Variants in DYRK4 observed in about 807,000 individuals in gnomAD.
DYRK4 encodes dual specificity tyrosine phosphorylation regulated kinase 4.
In DYRK4, 64 loss-of-function variants were observed where a neutral mutation model predicts 68.3. That is an observed-to-expected ratio of 0.94 (90% confidence interval 0.77 to 1.15). The LOEUF is 1.15. DYRK4 is among the 50% of genes most tolerant of loss of function. The pLI is 0.00. For synonymous variants in DYRK4, 274 were observed against 289.9 expected (o/e 0.95, Z 0.56); for missense variants, 740 against 764.7 (o/e 0.97, Z 0.38).
intron 4 of DYRK4, chr12:4,590,885 A>T: frequency 2.2e-6 from 1 of 464,616 alleles, no homozygotes; most frequent in Non-Finnish European, 3.7e-6. Context: ...AGCAGTGAAA[A>T]ACTGTTCCCA....
At position 4,607,192 on chromosome 12, in the gene DYRK4, C is replaced by T. The variant is rs79792669; in HGVS notation, c.1300-135C>T. 2,310 of 934,240 alleles carry T rather than the reference C, an allele frequency of 2.5e-3. 54 individuals carry two copies. In the African/African-American group the frequency reaches 0.034, roughly 14 times the overall value. 57.9% of individuals were successfully genotyped at this position (934,240 alleles called of 1,614,324 possible). On this transcript the variant is annotated intron_variant, in intron 11 of 14. Transcript: ENST00000543431. ...CCCAGGCTCTGGGTTTGCTCTGCTA[C>T]TGACCAGATGTTATTACTTAATGCT...
In DYRK4 at chr12:4,565,879, A is replaced by G. The variant is rs535346602; in HGVS notation, c.39-2076A>G. ...CCTGACCTCAGATGATCCACCCGCC[A>G]CGGCCTCCCAAAGTGCTGGGATTAC... On this transcript the variant is annotated intron_variant, in intron 1 of 14. Coordinates refer to ENST00000543431, the MANE Select transcript of DYRK4 (RefSeq NM_001394779.1). Among the ~76,000 whole-genome samples, 229 of 151,922 alleles carry G rather than the reference A, an allele frequency of 1.5e-3. 1 individual carries two copies. Among genetic ancestry groups the G allele is most frequent in the African/African-American group, 5.3e-3 (220 of 41,440 alleles).
intron 12 of DYRK4, among the ~76,000 whole-genome samples, chr12:4,609,511 C>A (rs1042434610): frequency 1.3e-5 from 2 of 152,156 alleles, no homozygotes; most frequent in African/African-American, 4.8e-5. Context: ...CTAGTTAATA[C>A]CCCTAATTAG....
intron 1 of DYRK4, among the ~76,000 whole-genome samples, chr12:4,565,737 T>G (rs1283458736): frequency 1.3e-5 from 2 of 152,146 alleles, no homozygotes; most frequent in African/African-American, 4.8e-5. Context: ...GAGATTCTCC[T>G]GCCTCATCCT....
At position 4,601,876 on chromosome 12, in the gene DYRK4, T is replaced by TTGTGTGTGTGTGTGTG. The variant is rs58259135; in HGVS notation, c.1126+2108_1126+2123dup. Reference sequence around the variant, plus strand: ...CTTAAGTGAGACCAGTCTGTAGGGTTTGTGTGTGTGTGTGTGTGTGTGTGT... The same window carrying TTGTGTGTGTGTGTGTG: ...CTTAAGTGAGACCAGTCTGTAGGGTTTGTGTGTGTGTGTGTGTGTGTGTGTGTGTGTGTGTGTGTGT... On this transcript the variant is annotated intron_variant, in intron 10 of 14. Transcript: ENST00000543431. 2.7e-4 allele frequency: 42 copies of TTGTGTGTGTGTGTGTG among 157,646 alleles called. No individual in the cohort carries two copies. The South Asian group carries it at 2.8e-3, about 10-fold the overall frequency. The allele number at this position is 157,646 out of a possible 1,614,324, so 9.8% of individuals were successfully genotyped here.
At position 4,591,073 on chromosome 12, in the gene DYRK4, G is replaced by A; in HGVS notation, c.325-87G>A. On this transcript the variant is annotated intron_variant, in intron 4 of 14. Transcript: ENST00000543431. This position sits in a 1 kb window ranked among gnomAD's most constrained non-coding sequence, Gnocchi z 4.1. ...GAGGTAGGTAAAGAGCCTGGCTGAA[G>A]GTGGGTGTCTTTGGTTAAATAAATG... 6.7e-7 allele frequency: 1 copy of A among 1,495,320 alleles called. No individual in the cohort carries two copies. Among genetic ancestry groups the A allele is most frequent in the Non-Finnish European group, 9.0e-7 (1 of 1,107,774 alleles). The allele number at this position is 1,495,320 out of a possible 1,614,324, so 92.6% of individuals were successfully genotyped here.
rs972832932 is a variant in DYRK4 at position 4,565,225 on chromosome 12, G to A, written c.39-2730G>A. Among the ~76,000 whole-genome samples the A allele has an allele frequency of 2.6e-5, 4 of 152,344 alleles. No homozygotes were observed. In the South Asian group the frequency reaches 6.2e-4, roughly 24 times the overall value. On this transcript the variant is annotated intron_variant, in intron 1 of 14. Coordinates refer to ENST00000543431, the MANE Select transcript of DYRK4 (RefSeq NM_001394779.1). ...TTGCAAAGCTTTGAGCAAGGGTTAA[G>A]TTGTACTGTTGGAAGCCAGAGTTCA...
chr12:4,613,596 G>C lies in DYRK4; in HGVS notation c.1748G>C (p.Cys583Ser), dbSNP rs749696146. The change falls in exon 15 of 15, where the codon TGT (cysteine) becomes TCT (serine). Residue 583 changes from cysteine to serine, a missense_variant. Around this residue, in one of 3 missense-constraint regions of DYRK4, gnomAD observed 614 missense variants for 603.7 expected, o/e 1.02. Coordinates refer to ENST00000543431, the MANE Select transcript of DYRK4 (RefSeq NM_001394779.1). This position sits in a 1 kb window ranked among gnomAD's most constrained non-coding sequence, Gnocchi z 4.0. ...CAGCATTCAGGTGATCAGCAGGACT[G>C]TCTCCAGCACGGAGCTGACACTGTT... ...HVQHSGDQQD[C>S]LQHGADTVQL... The C allele has an allele frequency of 6.2e-7, 1 of 1,614,192 alleles. No individual in the cohort carries two copies. The highest frequency in any genetic ancestry group is 2.2e-5 in the East Asian group (1 of 44,874).
Position 4,562,238 on chromosome 12 carries a change from C to G in DYRK4, c.-8C>G. On this transcript the variant is annotated 5_prime_UTR_variant, in exon 1 of 15. Transcript: ENST00000543431. ...CTCCCGCAGCGGCGGGCGGTCAGCG[C>G]CGGCCTCATGCAGCTCCTCCCGCCG... is the stretch of plus-strand genomic sequence containing the variant. The G allele has an allele frequency of 6.5e-7, 1 of 1,529,384 alleles. No homozygotes were observed. The highest frequency in any genetic ancestry group is 8.7e-7 in the Non-Finnish European group (1 of 1,143,788). 94.7% of individuals were successfully genotyped at this position (1,529,384 alleles called of 1,614,324 possible).
intron 10 of DYRK4, 64 bp from the exon 11 acceptor site, chr12:4,604,850 G>A: frequency 2.0e-6 from 3 of 1,491,720 alleles, no homozygotes; most frequent in Non-Finnish European, 2.7e-6. Context: ...AGTTGTCCTG[G>A]GGGAGAGCGT....
At chr12:4,571,387 A>G (rs548510863) in intron 2 of DYRK4, among the ~76,000 whole-genome samples, 1 of 152,230 alleles carries the variant, frequency 6.6e-6, no homozygotes, top group East Asian at 1.9e-4. Flanking sequence ...ACCATTTCTA[A>G]TTACACATCT....
chr12:4,592,927 G>A, intron 5 of DYRK4, 75 bp from the exon 6 acceptor site: 9 of 1,547,004 alleles, frequency 5.8e-6, no homozygotes, highest in Non-Finnish European at 7.9e-6. Flanking sequence ...ACCTGGAAGG[G>A]ATGCCATCGT....
chr12:4,569,335 T>C (rs1180853061), intron 2 of DYRK4, among the ~76,000 whole-genome samples: 2 of 152,232 alleles, frequency 1.3e-5, no homozygotes, highest in Non-Finnish European at 2.9e-5. Context: ...ATAATAAAGA[T>C]GGCATTCTTT....
At chr12:4,604,654 A>G (rs1945119419) in intron 10 of DYRK4, among the ~76,000 whole-genome samples, 1 of 152,220 alleles carries the variant, frequency 6.6e-6, no homozygotes, top group African/African-American at 2.4e-5. Context: ...AACTTGGCTC[A>G]CTTAGATTCA....
At chr12:4,601,561 G>A (rs569620680) in intron 10 of DYRK4, among the ~76,000 whole-genome samples, 1 of 151,534 alleles carries the variant, frequency 6.6e-6, no homozygotes, top group East Asian at 1.9e-4. Context: ...TGAAGTAAGT[G>A]GAAAAAAAAC....
chr12:4,610,340 A>G (rs1419580188), intron 13 of DYRK4, 56 bp downstream of exon 13: 3 of 1,452,956 alleles, frequency 2.1e-6, no homozygotes, highest in Non-Finnish European at 2.7e-6. Context: ...CTGTACTTTG[A>G]CACACGTTTG....
intron 1 of DYRK4, among the ~76,000 whole-genome samples, chr12:4,565,690 A>G (rs1400197100): frequency 2.7e-5 from 4 of 150,600 alleles, no homozygotes; most frequent in South Asian, 2.1e-4. Flanking sequence ...CAGTGGTGCA[A>G]TCTCCGCTCA....
At chr12:4,611,260 C>T (rs1945217179) in intron 13 of DYRK4, among the ~76,000 whole-genome samples, 1 of 152,164 alleles carries the variant, frequency 6.6e-6, no homozygotes, top group Admixed American at 6.5e-5. Flanking sequence ...ATGCTATTCA[C>T]TCATCAGAAT....
intron 11 of DYRK4, among the ~76,000 whole-genome samples, chr12:4,606,322 C>CTATCTATG (rs1565542642): frequency 6.6e-6 from 1 of 151,942 alleles, no homozygotes; most frequent in East Asian, 1.9e-4. Context: ...ATCTATCTAT[C>CTATCTATG]TATGTATCTG....
Sources: allele counts gnomAD v4.1 joint callset (sites outside exome capture counted in the v4.1 genomes callset), GRCh38; gene constraint gnomAD v4.1.1; regional missense constraint gnomAD v4.1.1; non-coding constraint Gnocchi (gnomAD v3.1); transcripts MANE v1.5; gene names NCBI Gene and HGNC (gene_info 2026-07-23, HGNC 2026-07-21).